HERC2: variants seen among roughly 807,000 people sequenced by gnomAD.
The protein encoded by HERC2 is HECT and RLD domain containing E3 ubiquitin protein ligase 2.
Under a neutral mutation model 537.7 loss-of-function variants are expected in HERC2, and 102 were observed. That is an observed-to-expected ratio of 0.19 (90% CI 0.16 to 0.22). The LOEUF is 0.22. Ranked by LOEUF, HERC2 falls within the 10% of genes least tolerant of loss-of-function variation. The pLI is 1.00. For missense variants in HERC2, 4,236 were observed against 6,198.2 expected, an observed-to-expected ratio of 0.68 and a Z score of 10.63; for synonymous variants, 2,224 against 2,466.2, an observed-to-expected ratio of 0.90 and a Z score of 2.91.
At chr15:28,148,491 G>A (rs1229535168) in intron 70 of HERC2, among the ~76,000 whole-genome samples, 3 of 152,162 alleles carry the variant, frequency 2.0e-5, no homozygotes, top group Non-Finnish European at 4.4e-5. Flanking sequence ...AACAAACACT[G>A]CAGACTGTAA....
intron 48 of HERC2, among the ~76,000 whole-genome samples, chr15:28,200,562 T>G (rs186726525): frequency 2.0e-5 from 3 of 152,278 alleles, no homozygotes; most frequent in African/African-American, 7.2e-5. Context: ...TATAGCCAAC[T>G]GAGCTAAGAC....
chr15:28,191,760 C>A lies in HERC2; in HGVS notation c.8451+201G>T, dbSNP rs549519432. On this transcript the variant is annotated intron_variant, in intron 53 of 92. Coordinates refer to ENST00000261609, the MANE Select transcript of HERC2 (RefSeq NM_004667.6). ...GGTCAGTTAGATAAAATCTATTACT[C>A]GTATTGTTTAAAATCTCTGACAATA... 3.3e-5 allele frequency among the ~76,000 whole-genome samples: 5 copies of A among 152,280 alleles called. No individual in the cohort carries two copies. In the East Asian group the frequency reaches 9.6e-4, roughly 29 times the overall value.
At chr15:28,172,539 A>G (rs1894804278) in intron 65 of HERC2, among the ~76,000 whole-genome samples, 4 of 152,242 alleles carry the variant, frequency 2.6e-5, no homozygotes, top group Admixed American at 2.6e-4. Flanking sequence ...TAGTTTTTCA[A>G]CAAATACAAC....
intron 19 of HERC2, 41 bp from the exon 20 acceptor site, chr15:28,254,559 T>A (rs776126519): frequency 7.1e-7 from 1 of 1,417,176 alleles, no homozygotes; most frequent in Non-Finnish European, 9.6e-7. Context: ...GTGATCTCAT[T>A]ACCAGGTGTG....
At chr15:28,142,193 A>G (rs765330259) in intron 76 of HERC2, 45 bp downstream of exon 76, 32 of 1,586,038 alleles carry the variant, frequency 2.0e-5, no homozygotes, top group Middle Eastern at 3.4e-4. Flanking sequence ...ATAGCTAAAT[A>G]ATGTTTTTGC....
In HERC2 at chr15:28,315,824, G is replaced by A. The variant is rs1471916371; in HGVS notation, c.72+5538C>T. 1.0e-5 allele frequency: 8 copies of A among 798,492 alleles called. No homozygotes were observed. The East Asian group carries it at 1.3e-4, about 13-fold the overall frequency. 49.5% of individuals were successfully genotyped at this position (798,492 alleles called of 1,614,324 possible). A position where few individuals can be genotyped will look rare whatever the true frequency, so the allele number is the denominator to read the frequency against. ...ACAGGAGCAGAAACATGGAATGCCA[G>A]ACGCTGGGGATGCTGGTACAAGTTG... On this transcript the variant is annotated intron_variant, in intron 2 of 92. Transcript: ENST00000261609.
At chr15:28,239,832 C>T (rs1314460989) in intron 23 of HERC2, among the ~76,000 whole-genome samples, 6 of 152,002 alleles carry the variant, frequency 3.9e-5, no homozygotes, top group Non-Finnish European at 8.8e-5. Flanking sequence ...AAAAAGAAAA[C>T]GGTATGATCA....
At chr15:28,302,798 T>C (rs975251890) in intron 2 of HERC2, among the ~76,000 whole-genome samples, 2 of 151,260 alleles carry the variant, frequency 1.3e-5, no homozygotes, top group Admixed American at 6.6e-5. Flanking sequence ...TTGTCATTTG[T>C]ATATCTTCTT....
Position 28,317,462 on chromosome 15 carries a change from G to A in HERC2, c.72+3900C>T, listed in dbSNP as rs551245292. On this transcript the variant is annotated intron_variant, in intron 2 of 92. Coordinates refer to ENST00000261609, the MANE Select transcript of HERC2 (RefSeq NM_004667.6). ...TTATGCGTAGTCATTCTTAATTGATGATTAGAGGAAGAGACAAATAAATGG... is the reference window on the plus strand; with the variant it reads ...TTATGCGTAGTCATTCTTAATTGATAATTAGAGGAAGAGACAAATAAATGG... Among the ~76,000 whole-genome samples the A allele has an allele frequency of 1.7e-4, 26 of 152,234 alleles. 1 individual carries two copies. The highest frequency in any genetic ancestry group is 3.4e-4 in the Non-Finnish European group (23 of 68,044).
chr15:28,146,544 C>T (rs1891756717), intron 70 of HERC2, among the ~76,000 whole-genome samples, 200 bp from the exon 71 acceptor site: 1 of 152,248 alleles, frequency 6.6e-6, no homozygotes, highest in African/African-American at 2.4e-5. Context: ...ACTGGAAGGC[C>T]AGAAAACACT....
At chr15:28,117,664 A>AG in intron 86 of HERC2, 1 of 402,144 alleles carries the variant, frequency 2.5e-6, no homozygotes, top group South Asian at 1.8e-5. Flanking sequence ...TGAGTGCCTC[A>AG]GCCAGGACCA....
At position 28,243,728 on chromosome 15, in the gene HERC2, G is replaced by T. The variant is rs551926118; in HGVS notation, c.3577+2153C>A. Among the ~76,000 whole-genome samples the T allele has an allele frequency of 8.5e-5, 13 of 152,310 alleles. 1 individual carries two copies. The Middle Eastern group carries it at 0.014, about 159-fold the overall frequency. The stretch of plus-strand genomic sequence containing the variant: ...GGGTCAAACAGGGAGTGCTAGCAAT[G>T]CTAGGTCTTGGCATGGAAGTGGAAC... On this transcript the variant is annotated intron_variant, in intron 23 of 92. Transcript: ENST00000261609.
chr15:28,317,193 C>A (rs1372736158), intron 2 of HERC2, among the ~76,000 whole-genome samples: 4 of 152,196 alleles, frequency 2.6e-5, no homozygotes, highest in African/African-American at 9.6e-5. Context: ...TGGGTTCAAG[C>A]ACTTCTCCTG....
Position 28,176,003 on chromosome 15 carries a change from A to C in HERC2, c.9687-347T>G, listed in dbSNP as rs1895254144. On this transcript the variant is annotated intron_variant, in intron 63 of 92. Transcript: ENST00000261609. This position sits in a 1 kb window ranked among gnomAD's most constrained non-coding sequence, Gnocchi z 5.0. ...AGCTGCCTCGGGTCATGACATTGGC[A>C]CTAAGGCCTGACACACCATCCACAG... Among the ~76,000 whole-genome samples the C allele has an allele frequency of 6.6e-6, 1 of 152,202 alleles. No individual in the cohort carries two copies. Among genetic ancestry groups the C allele is most frequent in the African/African-American group, 2.4e-5 (1 of 41,452 alleles).
At chr15:28,112,638 C>T (rs986944653) in intron 92 of HERC2, among the ~76,000 whole-genome samples, 2 of 152,104 alleles carry the variant, frequency 1.3e-5, no homozygotes, top group Non-Finnish European at 2.9e-5. Flanking sequence ...TCTCAGTGAC[C>T]CGGCAGGTCC....
chr15:28,152,851 T>G (rs753633070), intron 69 of HERC2, 21 bp from the exon 70 acceptor site: 3 of 1,555,002 alleles, frequency 1.9e-6, no homozygotes, highest in Non-Finnish European at 2.6e-6. Context: ...AGCAAGGACA[T>G]GAATGAGGGG....
rs1305372335 is a variant in HERC2 at position 28,256,375 on chromosome 15, T to C, written c.2518-58A>G. ...CCCTAAAAATGAGTGAATTTCAAAG[T>C]CTTATTAAACACTGAATAAAAGTCA... On this transcript the variant is annotated intron_variant, in intron 17 of 92. Coordinates refer to ENST00000261609, the MANE Select transcript of HERC2 (RefSeq NM_004667.6). The C allele has an allele frequency of 7.8e-6, 9 of 1,150,610 alleles. No individual in the cohort carries two copies. The Admixed American group carries it at 1.7e-4, about 22-fold the overall frequency. 71.3% of individuals were successfully genotyped at this position (1,150,610 alleles called of 1,614,324 possible). A position where few individuals can be genotyped will look rare whatever the true frequency, so the allele number is the denominator to read the frequency against.
intron 82 of HERC2, 25 bp from the exon 83 acceptor site, chr15:28,130,327 T>C (rs749425261): frequency 6.2e-7 from 1 of 1,613,950 alleles, no homozygotes; most frequent in East Asian, 2.2e-5. Context: ...AGCATGGAAA[T>C]TATGGGGCAA....
At chr15:28,187,641 G>T (rs1316916371) in intron 55 of HERC2, among the ~76,000 whole-genome samples, 1 of 151,992 alleles carries the variant, frequency 6.6e-6, no homozygotes, top group East Asian at 1.9e-4. Flanking sequence ...CCAGAATTAT[G>T]GAGTTTTTTG....
Sources: gnomAD v4.1 joint callset for allele counts (sites outside exome capture counted in the v4.1 genomes callset) on GRCh38, gnomAD v4.1.1 for gene constraint, Gnocchi (gnomAD v3.1) non-coding constraint, MANE v1.5 for transcripts, NCBI Gene and HGNC (gene_info 2026-07-23, HGNC 2026-07-21) for gene names.